OR51B5: variants seen among roughly 807,000 people sequenced by gnomAD.
The protein encoded by OR51B5 is olfactory receptor family 51 subfamily B member 5, also known as olfactory receptor 51B5.
For synonymous variants in OR51B5, 186 were observed against 144.8 expected (o/e 1.28, Z -2.04); for missense variants, 456 against 374.6 (o/e 1.22, Z -1.79).
chr11:5,504,721 T>C (rs185253774), intron 1 of OR51B5, among the ~76,000 whole-genome samples: 160 of 152,322 alleles, frequency 1.1e-3, no homozygotes, highest in Non-Finnish European at 2.0e-3. Flanking sequence ...TAGTCACTCA[T>C]TGTTTAACAC....
chr11:5,346,667 T>A (rs1306926351), upstream of OR51B5, among the ~76,000 whole-genome samples: 2 of 152,210 alleles, frequency 1.3e-5, no homozygotes, highest in Admixed American at 6.5e-5. Context: ...GAATTGCTTT[T>A]GAAGTTCTAT....
intron 1 of OR51B5, among the ~76,000 whole-genome samples, chr11:5,467,874 C>G (rs1851161895): frequency 1.3e-5 from 2 of 152,204 alleles, no homozygotes; most frequent in African/African-American, 4.8e-5. Context: ...GTCATTCAAT[C>G]CTCTCTGTAG....
intron 1 of OR51B5, among the ~76,000 whole-genome samples, chr11:5,462,040 G>C (rs143655149): frequency 6.6e-6 from 1 of 152,122 alleles, no homozygotes. Context: ...TTTTAGGCTC[G>C]TTAGGCCTTC....
intron 1 of OR51B5, among the ~76,000 whole-genome samples, chr11:5,419,924 G>C (rs755121980): frequency 2.6e-5 from 4 of 151,194 alleles, no homozygotes; most frequent in Non-Finnish European, 5.9e-5. Flanking sequence ...TAGAATGTAA[G>C]CACATATATA....
intron 1 of OR51B5, among the ~76,000 whole-genome samples, chr11:5,469,723 A>G (rs1292675424): frequency 2.6e-5 from 4 of 152,088 alleles, no homozygotes; most frequent in Admixed American, 2.6e-4. Context: ...ACATTGGTTG[A>G]CGTCTTTCTC....
chr11:5,406,533 AACT>A (rs1205760189), intron 1 of OR51B5, among the ~76,000 whole-genome samples: 3 of 152,106 alleles, frequency 2.0e-5, no homozygotes, highest in Non-Finnish European at 2.9e-5. Flanking sequence ...ATACCTTTGG[AACT>A]ACGTTTTATG....
intron 1 of OR51B5, among the ~76,000 whole-genome samples, chr11:5,385,910 C>T (rs972375846): frequency 5.4e-5 from 8 of 148,594 alleles, no homozygotes; most frequent in East Asian, 3.9e-4. Flanking sequence ...TAAACTTATA[C>T]ATATGTGTAC....
chr11:5,492,784 A>T (rs1380430449), intron 1 of OR51B5, among the ~76,000 whole-genome samples: 1 of 152,108 alleles, frequency 6.6e-6, no homozygotes. Context: ...TTACAGGTGC[A>T]TCCCACTACA....
chr11:5,476,735 G>C (rs756116762), intron 1 of OR51B5, among the ~76,000 whole-genome samples: 1 of 152,156 alleles, frequency 6.6e-6, no homozygotes, highest in Non-Finnish European at 1.5e-5. Context: ...TACTAGTTGT[G>C]TTATCCTAGA....
At chr11:5,371,121 A>G (rs1288970176) in intron 1 of OR51B5, among the ~76,000 whole-genome samples, 2 of 152,194 alleles carry the variant, frequency 1.3e-5, no homozygotes, top group African/African-American at 4.8e-5. Context: ...CACCATGGAT[A>G]TTGAAGTAAG....
At chr11:5,384,958 T>A (rs367863861) in intron 1 of OR51B5, among the ~76,000 whole-genome samples, 1 of 152,322 alleles carries the variant, frequency 6.6e-6, no homozygotes, top group East Asian at 1.9e-4. Context: ...CAGCGTCTTT[T>A]GCATATTCTC....
At chr11:5,474,669 A>T (rs952212420) in intron 1 of OR51B5, among the ~76,000 whole-genome samples, 2 of 152,206 alleles carry the variant, frequency 1.3e-5, no homozygotes, top group Admixed American at 1.3e-4. Context: ...ATTTGTGCCA[A>T]TGCAATAATT....
upstream of OR51B5, among the ~76,000 whole-genome samples, chr11:5,347,631 A>G (rs945058479): frequency 5.3e-5 from 8 of 152,198 alleles, no homozygotes; most frequent in African/African-American, 1.7e-4. Context: ...CAATGTAGAC[A>G]AAATATTCAA....
At chr11:5,478,873 A>G (rs1851363781) in intron 1 of OR51B5, among the ~76,000 whole-genome samples, 1 of 150,718 alleles carries the variant, frequency 6.6e-6, no homozygotes. Context: ...AAAAGACCAA[A>G]TCTACGTCTG....
At chr11:5,461,679 T>C (rs537404262) in intron 1 of OR51B5, among the ~76,000 whole-genome samples, 1 of 152,322 alleles carries the variant, frequency 6.6e-6, no homozygotes, top group East Asian at 1.9e-4. Context: ...CTCTGGGCAG[T>C]TCTCCCTGCC....
intron 1 of OR51B5, among the ~76,000 whole-genome samples, chr11:5,360,474 T>G (rs1849266226): frequency 6.6e-6 from 1 of 150,708 alleles, no homozygotes; most frequent in Non-Finnish European, 1.5e-5. Context: ...TGGCGATCAT[T>G]AAAAAGTCAG....
chr11:5,354,114 A>C (rs1849148722), intron 1 of OR51B5, among the ~76,000 whole-genome samples: 1 of 152,180 alleles, frequency 6.6e-6, no homozygotes, highest in African/African-American at 2.4e-5. Context: ...AAAATGAATA[A>C]ATAAAATTTA....
chr11:5,380,831 C>T (rs75685457), intron 1 of OR51B5, among the ~76,000 whole-genome samples: 2,318 of 152,226 alleles, frequency 0.015, 69 homozygotes, highest in East Asian at 0.066. Context: ...ATTGAGGACA[C>T]GGGAAGGTGG....
At chr11:5,472,959 C>T (rs1851250721) in intron 1 of OR51B5, among the ~76,000 whole-genome samples, 2 of 152,194 alleles carry the variant, frequency 1.3e-5, no homozygotes, top group Admixed American at 1.3e-4. Flanking sequence ...GAAAGTCCCG[C>T]ATTAGGAGAA....
Sources: gnomAD v4.1 joint callset for allele counts (sites outside exome capture counted in the v4.1 genomes callset) on GRCh38, gnomAD v4.1.1 for gene constraint, MANE v1.5 for transcripts, NCBI Gene and HGNC (gene_info 2026-07-23, HGNC 2026-07-21) for gene names.